The following GPR19 variants were observed in gnomAD, a reference collection of about 807,000 sequenced individuals.
GPR19 encodes the protein G protein-coupled receptor 19, also known as probable G protein-coupled receptor 19.
A neutral mutation model predicts 28.5 loss-of-function variants in GPR19; 14 were observed. The ratio of observed to expected loss-of-function variants is 0.49; its 90% confidence interval spans 0.32 to 0.77. The LOEUF (loss-of-function observed/expected upper bound fraction) is 0.77, where lower values mean the gene tolerates loss of function less well. Ranked by LOEUF, GPR19 falls within the 30% of genes least tolerant of loss-of-function variation. The pLI, the probability that GPR19 is intolerant of heterozygous loss-of-function variation, is 0.03. For missense variants in GPR19, 409 were observed against 504.1 expected (o/e 0.81, Z 1.81); for synonymous variants, 173 against 184.1 (o/e 0.94, Z 0.49).
chr12:12,713,868 A>G, the GPR19 span, among the ~76,000 whole-genome samples: 1 of 152,044 alleles, frequency 6.6e-6, no homozygotes, highest in Non-Finnish European at 1.5e-5. Flanking sequence ...TTCCCTGACC[A>G]CTTATTCACA....
chr12:12,667,605 C>T (rs1945801553), intron 3 of GPR19, among the ~76,000 whole-genome samples: 1 of 151,390 alleles, frequency 6.6e-6, no homozygotes, highest in Non-Finnish European at 1.5e-5. Flanking sequence ...GCAGGAGAAT[C>T]GCTTGAACCC....
intron 3 of GPR19, among the ~76,000 whole-genome samples, chr12:12,682,577 T>C (rs2136330558): frequency 6.6e-6 from 1 of 152,306 alleles, no homozygotes; most frequent in South Asian, 2.1e-4. Flanking sequence ...TTCATGTGAC[T>C]ATAATAGCAT....
At chr12:12,701,919 CAAAAA>C in the GPR19 span, among the ~76,000 whole-genome samples, 12 of 96,088 alleles carry the variant, frequency 1.2e-4, no homozygotes, top group East Asian at 3.0e-4. Context: ...GACCCTGTCT[CAAAAA>C]AAAAAAAAAA....
At chr12:12,696,393 G>T (rs1946263756), upstream of GPR19, among the ~76,000 whole-genome samples, 1 of 120,388 alleles carries the variant, frequency 8.3e-6, no homozygotes. Flanking sequence ...CAGTGGATTA[G>T]GATTAGTGCT....
At chr12:12,683,583 T>G (rs541469754) in intron 3 of GPR19, among the ~76,000 whole-genome samples, 37 of 152,254 alleles carry the variant, frequency 2.4e-4, no homozygotes, top group Non-Finnish European at 4.6e-4. Context: ...AAAGGGTTGT[T>G]ATAAGGATTC....
chr12:12,668,750 A>G (rs1463302265), intron 3 of GPR19, among the ~76,000 whole-genome samples: 1 of 151,936 alleles, frequency 6.6e-6, no homozygotes, highest in African/African-American at 2.4e-5. Flanking sequence ...ACATATGGGT[A>G]TTTACTAATG....
chr12:12,683,737 G>A (rs1221441948), intron 3 of GPR19, among the ~76,000 whole-genome samples: 4 of 152,200 alleles, frequency 2.6e-5, no homozygotes, highest in Non-Finnish European at 4.4e-5. Flanking sequence ...TGAGTTCACG[G>A]CTGATTATTT....
the GPR19 span, among the ~76,000 whole-genome samples, chr12:12,701,508 G>A: frequency 2.6e-5 from 4 of 152,156 alleles, no homozygotes; most frequent in Admixed American, 2.6e-4. Flanking sequence ...ATTTCAAAGA[G>A]TTGGTACCCA....
intron 3 of GPR19, among the ~76,000 whole-genome samples, chr12:12,665,819 CAAAAAAAAAAAAAAAAAA>C (rs528302150): frequency 0.023 from 1,713 of 75,842 alleles, 35 homozygotes; most frequent in South Asian, 0.067. Flanking sequence ...GACTCCGTCT[CAAAAAAAAAAAAAAAAAA>C]AAAAAAAAAA....
At chr12:12,686,173 G>A (rs10845610) in intron 2 of GPR19, among the ~76,000 whole-genome samples, 24,244 of 152,142 alleles carry the variant, frequency 0.16, 2,458 homozygotes, top group East Asian at 0.3. Flanking sequence ...TTTGAAAGAC[G>A]AATGCTGACT....
chr12:12,717,202 C>A, the GPR19 span: 1 of 1,049,948 alleles, frequency 9.5e-7, no homozygotes, highest in Non-Finnish European at 1.2e-6. Context: ...AGCCAATCTC[C>A]CGGCGGCGCT....
At chr12:12,669,090 C>T (rs527271220) in intron 3 of GPR19, 1 of 152,274 alleles carries the variant, frequency 6.6e-6, no homozygotes, top group South Asian at 2.1e-4. Flanking sequence ...GAGAGGAATA[C>T]AAAGTTATTC....
In GPR19 at chr12:12,662,225, A is replaced by G; in HGVS notation, c.224T>C (p.Leu75Pro). 2 of 1,614,256 alleles carry G rather than the reference A, an allele frequency of 1.2e-6. No individual in the cohort carries two copies. Among genetic ancestry groups the G allele is most frequent in the Non-Finnish European group, 1.7e-6 (2 of 1,180,052 alleles). The change falls in exon 4 of 4, where the codon CTG (leucine) becomes CCG (proline). Residue 75 changes from leucine to proline, a missense_variant. Coordinates refer to ENST00000651487, the MANE Select transcript of GPR19 (RefSeq NM_006143.3). Reference protein sequence around the residue: ...VATASIFFGILWLFSIFGNSL... With the variant: ...VATASIFFGIPWLFSIFGNSL... ...ATTGCCGAAGATAGAAAACAACCAC[A>G]GAATCCCAAAGAAGATGCTGGCTGT...
At chr12:12,683,810 A>G (rs1478847611) in intron 3 of GPR19, among the ~76,000 whole-genome samples, 3 of 152,210 alleles carry the variant, frequency 2.0e-5, no homozygotes, top group East Asian at 3.8e-4. Flanking sequence ...TAGCATTTCT[A>G]CAAGATGTGA....
chr12:12,705,113 A>ATTTT, the GPR19 span, among the ~76,000 whole-genome samples: 1 of 84,438 alleles, frequency 1.2e-5, no homozygotes, highest in Admixed American at 1.9e-4. Flanking sequence ...ATAGAAATGC[A>ATTTT]TCTTTTTTTT....
intron 3 of GPR19, among the ~76,000 whole-genome samples, chr12:12,671,576 T>C (rs930455687): frequency 6.6e-6 from 1 of 152,184 alleles, no homozygotes; most frequent in Non-Finnish European, 1.5e-5. Flanking sequence ...TTTCTTTTTG[T>C]TTGGAAACTC....
chr12:12,676,636 G>C (rs1945935536), intron 3 of GPR19, among the ~76,000 whole-genome samples: 1 of 152,160 alleles, frequency 6.6e-6, no homozygotes, highest in Non-Finnish European at 1.5e-5. Context: ...AAGTGGTCTG[G>C]TCAAAGAGGA....
upstream of GPR19, among the ~76,000 whole-genome samples, chr12:12,696,429 A>C (rs188130777): frequency 1.8e-3 from 264 of 150,058 alleles, 3 homozygotes; most frequent in African/African-American, 5.8e-3. Flanking sequence ...AGATCAAGAC[A>C]AAAAATTAGG....
chr12:12,711,092 G>C, the GPR19 span, among the ~76,000 whole-genome samples: 2 of 151,752 alleles, frequency 1.3e-5, no homozygotes, highest in Non-Finnish European at 2.9e-5. Context: ...TCAGGATATT[G>C]AGACCATCCT....
Sources: gnomAD v4.1 joint callset for allele counts (sites outside exome capture counted in the v4.1 genomes callset) on GRCh38, gnomAD v4.1.1 for gene constraint, MANE v1.5 for transcripts, NCBI Gene and HGNC (gene_info 2026-07-23, HGNC 2026-07-21) for gene names.